The following NFASC variants were observed in gnomAD, a reference collection of about 807,000 sequenced individuals.
NFASC encodes neurofascin, also known as neurofascin homolog.
Under a neutral mutation model 147.5 loss-of-function variants are expected in NFASC, and 43 were observed. The observed-to-expected ratio is 0.29, with a 90% CI of 0.23 to 0.38. NFASC has a LOEUF of 0.38. NFASC is among the 10% of genes least tolerant of loss of function. The pLI is 1.00. For missense variants in NFASC, 1,320 were observed against 1,689.0 expected, an observed-to-expected ratio of 0.78 and a Z score of 3.83; for synonymous variants, 622 against 665.5, an observed-to-expected ratio of 0.93 and a Z score of 1.01.
intron 16 of NFASC, 180 bp downstream of exon 16, chr1:204,976,975 T>C (rs2095419739): frequency 5.2e-5 from 71 of 1,375,766 alleles, no homozygotes; most frequent in Non-Finnish European, 6.6e-5. Context: ...CAGAACAAGC[T>C]GTGCTGGACA....
At position 204,997,137 on chromosome 1, in the gene NFASC, A is replaced by G. The variant is rs1558418176; in HGVS notation, c.2783-33A>G. 3.8e-6 allele frequency: 6 copies of G among 1,587,852 alleles called. 1 individual carries two copies. The highest frequency in any genetic ancestry group is 3.4e-5 in the South Asian group (3 of 87,236). ...GTCCAGGCTGGGCACAGCCAAACCA[A>G]CCAGACTCGGCTGTTTTACATTTCC... On this transcript the variant is annotated intron_variant, in intron 24 of 29. Transcript: ENST00000339876.
At chr1:204,955,070 A>C in intron 7 of NFASC, 119 bp downstream of exon 7, 1 of 1,246,114 alleles carries the variant, frequency 8.0e-7, no homozygotes, top group Non-Finnish European at 1.1e-6. Flanking sequence ...AGGCAGGTGC[A>C]ATGTGGCAAC....
At position 205,009,667 on chromosome 1, in the gene NFASC, A is replaced by C. The variant is rs749492765; in HGVS notation, c.3400A>C (p.Ser1134Arg). ...ILLIVCFIKR[S>R]RGGKYPVREK... is the part of the protein sequence containing the mutation. ...GCTCATCGTCTGTTTCATCAAGAGG[A>C]GTCGCGGCGGCAAGTACCCAGGTGA... The change falls in exon 28 of 30, where the codon AGT (serine) becomes CGT (arginine). Residue 1134 changes from serine to arginine, a missense_variant. Physicochemically the swap from Ser to Arg is moderately radical, Grantham distance 110 (BLOSUM62 -1). Coordinates refer to ENST00000339876, the MANE Select transcript of NFASC (RefSeq NM_001005388.3). The C allele has an allele frequency of 1.5e-5, 24 of 1,613,934 alleles. No homozygotes were observed. The highest frequency in any genetic ancestry group is 5.0e-5 in the Admixed American group (3 of 60,002).
At chr1:204,939,037 G>GGTGTGTGTGTGT (rs1553265981) in intron 2 of NFASC, among the ~76,000 whole-genome samples, 1 of 65,310 alleles carries the variant, frequency 1.5e-5, no homozygotes. Context: ...TGTATGGATG[G>GGTGTGTGTGTGT]ATGTGTGTGT....
chr1:204,962,189 C>G (rs1177337968), intron 8 of NFASC: 1 of 1,590,674 alleles, frequency 6.3e-7, no homozygotes, highest in Admixed American at 1.7e-5. Flanking sequence ...TGGGAGTAAC[C>G]TTGCCTGTGC....
intron 2 of NFASC, among the ~76,000 whole-genome samples, chr1:204,922,814 G>A (rs959829669): frequency 8.0e-4 from 121 of 152,108 alleles, no homozygotes; most frequent in African/African-American, 2.6e-3. Context: ...CAGGACATAC[G>A]GCTGTTGAGC....
Position 204,974,183 on chromosome 1 carries a change from G to C in NFASC, c.1284G>C (p.Val428=). Residue 428 remains valine (V), a synonymous_variant, in exon 13 of 30, where the codon GTG becomes GTC. Transcript: ENST00000339876. ...LANAFVSVLD[V]PPRMLSPRNQ... The stretch of plus-strand genomic sequence containing the variant: ...TTGCTTCTCTGGGAATTTCAGATGT[G>C]CCGCCTCGGATGCTGTCGCCCCGGA... The C allele has an allele frequency of 6.2e-7, 1 of 1,613,352 alleles. No individual in the cohort carries two copies. Among genetic ancestry groups the C allele is most frequent in the Non-Finnish European group, 8.5e-7 (1 of 1,179,648 alleles).
At position 204,952,088 on chromosome 1, in the gene NFASC, T is replaced by C. The variant is rs2149966668; in HGVS notation, c.187T>C (p.Cys63Arg). 1 of 1,613,524 alleles carries C rather than the reference T, an allele frequency of 6.2e-7. No individual in the cohort carries two copies. The highest frequency in any genetic ancestry group is 8.5e-7 in the Non-Finnish European group (1 of 1,179,778). ...CCCCCGTGATAACATCCTGATTGAG[T>C]GTGAAGCAAAAGGGAACCCTGCCCC... is the stretch of plus-strand genomic sequence containing the variant. The part of the protein sequence containing the change: ...VDPRDNILIE[C>R]EAKGNPAPSF... The change falls in exon 5 of 30, where the codon TGT (cysteine) becomes CGT (arginine). Residue 63 changes from cysteine (C) to arginine (R), a missense_variant. Coordinates refer to ENST00000339876, the MANE Select transcript of NFASC (RefSeq NM_001005388.3).
At chr1:204,937,503 G>A (rs1043333793) in intron 2 of NFASC, among the ~76,000 whole-genome samples, 1 of 152,122 alleles carries the variant, frequency 6.6e-6, no homozygotes, top group African/African-American at 2.4e-5. Context: ...TCTTTCTAGT[G>A]TCTCTATAGT....
intron 1 of NFASC, among the ~76,000 whole-genome samples, chr1:204,840,542 T>C (rs1302422135): frequency 2.6e-5 from 4 of 152,226 alleles, no homozygotes; most frequent in African/African-American, 9.6e-5. Flanking sequence ...ACAGTAGTAG[T>C]AGTTCTCTGA....
chr1:204,851,029 A>T (rs1270018674), intron 1 of NFASC, among the ~76,000 whole-genome samples: 1 of 152,234 alleles, frequency 6.6e-6, no homozygotes, highest in African/African-American at 2.4e-5. Context: ...TACATGACAC[A>T]TCAAGATGTT....
intron 1 of NFASC, among the ~76,000 whole-genome samples, chr1:204,879,482 G>C (rs1454338077): frequency 2.0e-5 from 3 of 152,208 alleles, no homozygotes; most frequent in Non-Finnish European, 4.4e-5. Context: ...TGTCTGTGCA[G>C]GGTGAATGTA....
intron 1 of NFASC, among the ~76,000 whole-genome samples, chr1:204,862,143 A>C (rs902304452): frequency 1.3e-5 from 2 of 152,182 alleles, no homozygotes; most frequent in African/African-American, 4.8e-5. Flanking sequence ...TTGCCTTGAT[A>C]ATCATTCTTT....
At chr1:204,928,082 A>G (rs1305058514) in intron 2 of NFASC, among the ~76,000 whole-genome samples, 2 of 152,106 alleles carry the variant, frequency 1.3e-5, no homozygotes, top group Non-Finnish European at 2.9e-5. Flanking sequence ...TTTTCTTTAC[A>G]TCCTGTTTTA....
At chr1:204,840,808 C>T (rs554674397) in intron 1 of NFASC, among the ~76,000 whole-genome samples, 1 of 152,312 alleles carries the variant, frequency 6.6e-6, no homozygotes, top group Non-Finnish European at 1.5e-5. Context: ...ATGATTATTC[C>T]AGTGGTGGGG....
intron 8 of NFASC, among the ~76,000 whole-genome samples, chr1:204,961,783 CCTT>C (rs1315593623): frequency 6.6e-6 from 1 of 152,204 alleles, no homozygotes; most frequent in Non-Finnish European, 1.5e-5. Flanking sequence ...CACCACTAAT[CCTT>C]CTCTCATTTG....
At chr1:204,956,713 A>T (rs940918899) in intron 7 of NFASC, among the ~76,000 whole-genome samples, 3 of 152,202 alleles carry the variant, frequency 2.0e-5, no homozygotes, top group African/African-American at 7.2e-5. Flanking sequence ...GTAAATCAGG[A>T]ATGGTTTGAA....
intron 27 of NFASC, among the ~76,000 whole-genome samples, chr1:205,007,397 G>GAA (rs2096141628): frequency 7.0e-6 from 1 of 143,420 alleles, no homozygotes; most frequent in African/African-American, 2.6e-5. Context: ...CTCTGTCTCA[G>GAA]AAAGAGAAGA....
chr1:205,011,692 C>T (rs1352345019), intron 28 of NFASC, among the ~76,000 whole-genome samples: 2 of 152,250 alleles, frequency 1.3e-5, no homozygotes, highest in African/African-American at 4.8e-5. Context: ...AGTCTTCATT[C>T]AGTCACTAAT....
Sources: gnomAD v4.1 joint callset for allele counts (sites outside exome capture counted in the v4.1 genomes callset) on GRCh38, gnomAD v4.1.1 for gene constraint, MANE v1.5 for transcripts, NCBI Gene and HGNC (gene_info 2026-07-23, HGNC 2026-07-21) for gene names.